The following DIAPH3 variants were observed in gnomAD, a reference collection of about 807,000 sequenced individuals.
The protein encoded by DIAPH3 is protein diaphanous homolog 3.
Under a neutral mutation model 144.3 loss-of-function variants are expected in DIAPH3, and 117 were observed. That is an observed-to-expected ratio of 0.81 (90% confidence interval 0.70 to 0.95). DIAPH3 has a LOEUF of 0.95. DIAPH3 is among the 40% of genes least tolerant of loss of function. DIAPH3 has a pLI of 0.00. For missense variants in DIAPH3, 1,421 were observed against 1,412.7 expected (o/e 1.01, Z -0.09); for synonymous variants, 519 against 488.9 (o/e 1.06, Z -0.81).
chr13:59,764,213 T>C (rs6562059), intron 27 of DIAPH3, among the ~76,000 whole-genome samples: 1 of 151,722 alleles, frequency 6.6e-6, no homozygotes, highest in South Asian at 2.1e-4. Context: ...CAATTGTTCC[T>C]AACAATAAAT....
intron 23 of DIAPH3, among the ~76,000 whole-genome samples, chr13:59,834,851 A>G (rs1247260620): frequency 6.6e-6 from 1 of 151,680 alleles, no homozygotes; most frequent in Non-Finnish European, 1.5e-5. Flanking sequence ...GTTTTCCTTT[A>G]CCAACACTGA....
intron 25 of DIAPH3, among the ~76,000 whole-genome samples, chr13:59,810,550 G>A (rs913601295): frequency 4.6e-5 from 7 of 152,146 alleles, no homozygotes; most frequent in African/African-American, 1.4e-4. Context: ...ACGCTGGAAC[G>A]AAAACAGCAT....
intron 21 of DIAPH3, among the ~76,000 whole-genome samples, chr13:59,869,789 C>T (rs961962478): frequency 1.3e-5 from 2 of 152,070 alleles, no homozygotes; most frequent in African/African-American, 2.4e-5. Flanking sequence ...GACACCTATA[C>T]GTTTTGATGG....
At chr13:60,086,065 T>A (rs564588974) in intron 4 of DIAPH3, among the ~76,000 whole-genome samples, 8 of 152,144 alleles carry the variant, frequency 5.3e-5, no homozygotes, top group African/African-American at 9.6e-5. Flanking sequence ...AAGCCTTTTT[T>A]AAAAAACGCT....
In DIAPH3 at chr13:59,670,769, A is replaced by G. The variant is rs145620814; in HGVS notation, c.3320-3923T>C. Reference sequence around the variant, plus strand: ...GGCTAATTTTTTTGCATTTTTAGTAAAGACGGGGTTTCACTGTGTTAGCCA... The same window carrying G: ...GGCTAATTTTTTTGCATTTTTAGTAGAGACGGGGTTTCACTGTGTTAGCCA... On this transcript the variant is annotated intron_variant, in intron 27 of 27. Transcript: ENST00000400324. Among the ~76,000 whole-genome samples, 737 of 151,890 alleles carry G rather than the reference A, an allele frequency of 4.9e-3. 2 individuals are homozygous for G. The highest frequency in any genetic ancestry group is 7.5e-3 in the Admixed American group (115 of 15,246).
At chr13:59,838,704 C>T (rs2042170676) in intron 23 of DIAPH3, 1 of 152,146 alleles carries the variant, frequency 6.6e-6, no homozygotes, top group South Asian at 2.1e-4. Flanking sequence ...GTTTTAATAT[C>T]CTTTCAATTC....
chr13:59,886,105 T>C (rs532586140), intron 20 of DIAPH3, among the ~76,000 whole-genome samples: 1 of 152,292 alleles, frequency 6.6e-6, no homozygotes, highest in Admixed American at 6.5e-5. Context: ...TTTTGCAAAG[T>C]AGGTTATATG....
At chr13:59,811,566 G>A (rs1443860150) in intron 24 of DIAPH3, among the ~76,000 whole-genome samples, 1 of 151,798 alleles carries the variant, frequency 6.6e-6, no homozygotes, top group Non-Finnish European at 1.5e-5. Flanking sequence ...GTGCAACTCT[G>A]TCTCTACTAA....
intron 24 of DIAPH3, among the ~76,000 whole-genome samples, chr13:59,827,368 C>A (rs920616169): frequency 2.6e-5 from 4 of 151,674 alleles, no homozygotes; most frequent in Admixed American, 6.6e-5. Context: ...AAAAACTGGG[C>A]GAAGGATAAA....
intron 4 of DIAPH3, among the ~76,000 whole-genome samples, chr13:60,043,429 G>A (rs1395102029): frequency 1.3e-5 from 2 of 152,132 alleles, no homozygotes; most frequent in Non-Finnish European, 2.9e-5. Context: ...CATCTTCCTG[G>A]TTTTTCTTTT....
intron 25 of DIAPH3, among the ~76,000 whole-genome samples, chr13:59,807,786 G>C (rs2040273374): frequency 6.6e-6 from 1 of 151,886 alleles, no homozygotes; most frequent in East Asian, 1.9e-4. Context: ...TGAGCTCTAT[G>C]ATTAACGAAA....
chr13:59,964,086 A>G (rs1412077494), intron 17 of DIAPH3, among the ~76,000 whole-genome samples: 3 of 152,198 alleles, frequency 2.0e-5, no homozygotes, highest in East Asian at 1.9e-4. Flanking sequence ...GAAGACAGAG[A>G]AAATGGAAGA....
chr13:59,893,787 A>G (rs955366241), intron 20 of DIAPH3, among the ~76,000 whole-genome samples: 13 of 152,128 alleles, frequency 8.5e-5, no homozygotes, highest in Admixed American at 3.3e-4. Flanking sequence ...CTCTGCCCAC[A>G]TACTCTTAAA....
chr13:59,923,856 C>T (rs1258316013), intron 18 of DIAPH3, among the ~76,000 whole-genome samples: 1 of 152,168 alleles, frequency 6.6e-6, no homozygotes, highest in Non-Finnish European at 1.5e-5. Flanking sequence ...AGAGGAGGTT[C>T]TGAAATTTTC....
In DIAPH3 at chr13:59,992,910, A is replaced by C. The variant is rs561392673; in HGVS notation, c.1015-327T>G. The stretch of plus-strand genomic sequence containing the variant: ...TTCTTGTCCAATAATATCACTCTAC[A>C]CACATACAACAGAAATTGAACATAT... On this transcript the variant is annotated intron_variant, in intron 9 of 27. Coordinates refer to ENST00000400324, the MANE Select transcript of DIAPH3 (RefSeq NM_001042517.2). Among the ~76,000 whole-genome samples the C allele has an allele frequency of 1.4e-3, 207 of 151,760 alleles. 1 individual carries two copies. The highest frequency in any genetic ancestry group is 3.3e-3 in the Admixed American group (50 of 15,204).
Position 60,115,406 on chromosome 13 carries a change from A to G in DIAPH3, c.214-3220T>C, listed in dbSNP as rs146783295. Among the ~76,000 whole-genome samples, 345 of 152,332 alleles carry G rather than the reference A, an allele frequency of 2.3e-3. 3 individuals carry two copies. The highest frequency in any genetic ancestry group is 8.0e-3 in the African/African-American group (332 of 41,586). ...AGATCAGTTTTTACTGAAATACGCA[A>G]TTTACTGGAGAGATTAACTGCTCAA... On this transcript the variant is annotated intron_variant, in intron 2 of 27. Coordinates refer to ENST00000400324, the MANE Select transcript of DIAPH3 (RefSeq NM_001042517.2).
chr13:59,676,788 T>G (rs776224165), intron 27 of DIAPH3, among the ~76,000 whole-genome samples: 3 of 152,208 alleles, frequency 2.0e-5, no homozygotes, highest in Admixed American at 6.5e-5. Flanking sequence ...ATTTTTGATA[T>G]GCATTTAATA....
chr13:59,716,178 A>AAT (rs2035042294), intron 27 of DIAPH3, among the ~76,000 whole-genome samples: 2 of 57,820 alleles, frequency 3.5e-5, no homozygotes, highest in African/African-American at 1.3e-4. Context: ...TATCCAAGAA[A>AAT]CTTATTTTTT....
At chr13:60,122,755 C>T (rs1250752015) in intron 2 of DIAPH3, among the ~76,000 whole-genome samples, 2 of 151,870 alleles carry the variant, frequency 1.3e-5, no homozygotes, top group Non-Finnish European at 2.9e-5. Flanking sequence ...TAGGCCCCTA[C>T]ACTAAAAACA....
Sources: allele counts gnomAD v4.1 joint callset (sites outside exome capture counted in the v4.1 genomes callset), GRCh38; gene constraint gnomAD v4.1.1; transcripts MANE v1.5; gene names NCBI Gene and HGNC (gene_info 2026-07-23, HGNC 2026-07-21).